The following CPEB3 variants were observed in gnomAD, a reference collection of about 807,000 sequenced individuals.
CPEB3 encodes the protein cytoplasmic polyadenylation element binding protein 3, also known as cytoplasmic polyadenylation element-binding protein 3.
CPEB3 carries 20 observed loss-of-function variants against 67.2 expected under a neutral mutation model. The observed-to-expected ratio is 0.30, with a 90% CI of 0.21 to 0.43. The LOEUF (loss-of-function observed/expected upper bound fraction) is 0.43, where lower values mean the gene tolerates loss of function less well. CPEB3 is among the 20% of genes least tolerant of loss of function. The pLI, the probability that CPEB3 is intolerant of heterozygous loss-of-function variation, is 1.00. For missense variants in CPEB3, 746 were observed against 968.6 expected, an observed-to-expected ratio of 0.77 and a Z score of 3.05; for synonymous variants, 376 against 393.1, an observed-to-expected ratio of 0.96 and a Z score of 0.51.
chr10:92,119,042 A>C (rs2133583057), intron 6 of CPEB3: 1 of 1,561,128 alleles, frequency 6.4e-7, no homozygotes, highest in Non-Finnish European at 8.8e-7. Context: ...TCATACCTGG[A>C]ATGGGGTCTG....
intron 3 of CPEB3, among the ~76,000 whole-genome samples, chr10:92,183,593 T>C (rs752488596): frequency 3.9e-5 from 6 of 152,210 alleles, no homozygotes; most frequent in Non-Finnish European, 8.8e-5. Flanking sequence ...CCAGCTTTCA[T>C]CCTTTTCTGG....
At chr10:92,240,926 ATTG>A (rs1165333668) in intron 1 of CPEB3, among the ~76,000 whole-genome samples, 2 of 152,116 alleles carry the variant, frequency 1.3e-5, no homozygotes, top group Non-Finnish European at 2.9e-5. Context: ...TGCGTTGGTA[ATTG>A]TTTCATTTAG....
At chr10:92,170,641 G>C (rs903583246) in intron 4 of CPEB3, among the ~76,000 whole-genome samples, 13 of 151,840 alleles carry the variant, frequency 8.6e-5, no homozygotes, top group African/African-American at 2.9e-4. Flanking sequence ...AGGAAAAAAA[G>C]AGAAAGATGG....
Position 92,103,424 on chromosome 10 carries a change from T to C in CPEB3, c.1572+7652A>G, listed in dbSNP as rs565059007. On this transcript the variant is annotated intron_variant, in intron 7 of 9. Transcript: ENST00000265997. ...TATGCTCTAAAAATTATCCCTACTT[T>C]AGAGCTAAGGAAGCTAAGGATCAGA... Among the ~76,000 whole-genome samples, 4 of 152,344 alleles carry C rather than the reference T, an allele frequency of 2.6e-5. No homozygotes were observed. The East Asian group carries it at 7.7e-4, about 29-fold the overall frequency.
intron 1 of CPEB3, among the ~76,000 whole-genome samples, chr10:92,274,502 A>G (rs765955433): frequency 2.0e-5 from 3 of 152,222 alleles, no homozygotes; most frequent in Non-Finnish European, 2.9e-5. Context: ...TCACCTAAAT[A>G]GTACCTGGAA....
chr10:92,167,832 C>T lies in CPEB3; in HGVS notation c.1222+13131G>A, dbSNP rs191069341. On this transcript the variant is annotated intron_variant, in intron 4 of 9. Transcript: ENST00000265997. Reference sequence around the variant, plus strand: ...CTGAGACATGAGAATTGCTTAAACCCGGGAGGCAGAGGTTGCAGTAAGCTG... The same window carrying T: ...CTGAGACATGAGAATTGCTTAAACCTGGGAGGCAGAGGTTGCAGTAAGCTG... 3.2e-3 allele frequency among the ~76,000 whole-genome samples: 490 copies of T among 152,110 alleles called. 3 individuals carry two copies. Among genetic ancestry groups the T allele is most frequent in the African/African-American group, 0.011 (473 of 41,456 alleles).
intron 9 of CPEB3, among the ~76,000 whole-genome samples, chr10:92,073,942 T>C (rs1250135308): frequency 2.0e-5 from 3 of 152,200 alleles, no homozygotes; most frequent in Non-Finnish European, 4.4e-5. Flanking sequence ...AAAACACTTT[T>C]GATATTCTGA....
At chr10:92,289,220 C>CA (rs1475393596) in intron 1 of CPEB3, among the ~76,000 whole-genome samples, 1 of 152,094 alleles carries the variant, frequency 6.6e-6, no homozygotes, top group African/African-American at 2.4e-5. Context: ...CCATCCTGAG[C>CA]AACACAGCGA....
chr10:92,167,014 C>A (rs374974152), intron 4 of CPEB3, among the ~76,000 whole-genome samples: 1 of 152,170 alleles, frequency 6.6e-6, no homozygotes, highest in Non-Finnish European at 1.5e-5. Flanking sequence ...ATGGAGACGG[C>A]TTTTTCCCTT....
intron 2 of CPEB3, among the ~76,000 whole-genome samples, chr10:92,215,326 G>T (rs576689061): frequency 1.3e-5 from 2 of 150,212 alleles, no homozygotes; most frequent in South Asian, 4.2e-4. Flanking sequence ...CTAATTTTTC[G>T]CATTTTTAGT....
chr10:92,170,355 T>A (rs1847943975), intron 4 of CPEB3, among the ~76,000 whole-genome samples: 1 of 152,174 alleles, frequency 6.6e-6, no homozygotes, highest in Admixed American at 6.5e-5. Flanking sequence ...TTTCCTAAAT[T>A]CCTCATCAAA....
chr10:92,258,860 A>T (rs1852661723), intron 1 of CPEB3, among the ~76,000 whole-genome samples: 1 of 150,640 alleles, frequency 6.6e-6, no homozygotes, highest in South Asian at 2.1e-4. Flanking sequence ...GGTTTTCACC[A>T]TATTAGCCAG....
At chr10:92,191,519 T>A (rs1484059947) in intron 3 of CPEB3, among the ~76,000 whole-genome samples, 1 of 152,164 alleles carries the variant, frequency 6.6e-6, no homozygotes, top group East Asian at 1.9e-4. Flanking sequence ...ATCATGAGTG[T>A]GACAAGAAAA....
chr10:92,078,353 A>G (rs907095545), intron 9 of CPEB3, among the ~76,000 whole-genome samples: 2 of 152,344 alleles, frequency 1.3e-5, no homozygotes, highest in Admixed American at 6.5e-5. Context: ...GTACATTTGT[A>G]GCAAGATGAA....
chr10:92,133,345 C>T (rs1241626122), intron 6 of CPEB3, among the ~76,000 whole-genome samples: 4 of 152,010 alleles, frequency 2.6e-5, no homozygotes, highest in East Asian at 3.9e-4. Flanking sequence ...ATATCACCAC[C>T]GATCCCACAG....
chr10:92,141,535 G>T (rs1372942777), intron 6 of CPEB3, among the ~76,000 whole-genome samples: 1 of 151,994 alleles, frequency 6.6e-6, no homozygotes, highest in African/African-American at 2.4e-5. Context: ...ATTGCTAAAT[G>T]ATGAGTTAAT....
intron 1 of CPEB3, among the ~76,000 whole-genome samples, chr10:92,251,766 G>A (rs143760066): frequency 3.9e-5 from 6 of 151,952 alleles, no homozygotes; most frequent in East Asian, 3.9e-4. Context: ...TCCCATCCTG[G>A]AAGGGGACAC....
intron 1 of CPEB3, among the ~76,000 whole-genome samples, chr10:92,280,955 T>C (rs1334281357): frequency 6.6e-6 from 1 of 151,372 alleles, no homozygotes; most frequent in Non-Finnish European, 1.5e-5. Context: ...AGACAGGGTT[T>C]CACCATGTTG....
At chr10:92,079,441 A>G (rs765492034) in intron 9 of CPEB3, among the ~76,000 whole-genome samples, 3 of 152,194 alleles carry the variant, frequency 2.0e-5, no homozygotes, top group Admixed American at 6.5e-5. Flanking sequence ...CATGGAGTTC[A>G]GTTTGGTACC....
Sources: allele counts gnomAD v4.1 joint callset (sites outside exome capture counted in the v4.1 genomes callset), GRCh38; gene constraint gnomAD v4.1.1; transcripts MANE v1.5; gene names NCBI Gene and HGNC (gene_info 2026-07-23, HGNC 2026-07-21).